CEP112: variants seen among roughly 807,000 people sequenced by gnomAD.
The protein encoded by CEP112 is centrosomal protein of 112 kDa.
CEP112 carries 127 observed loss-of-function variants against 153.0 expected under a neutral mutation model. That is an observed-to-expected ratio of 0.83 (90% confidence interval 0.72 to 0.96). The LOEUF (loss-of-function observed/expected upper bound fraction) is 0.96, where lower values mean the gene tolerates loss of function less well. Among genes scored for constraint, CEP112 ranks in the 40% least tolerant of loss-of-function variants. The pLI is 0.00. For missense variants in CEP112, 1,089 were observed against 1,101.2 expected, an observed-to-expected ratio of 0.99 and a Z score of 0.16; for synonymous variants, 358 against 374.4, an observed-to-expected ratio of 0.96 and a Z score of 0.51.
chr17:65,887,335 C>G (rs1349217910), intron 20 of CEP112, among the ~76,000 whole-genome samples: 2 of 152,178 alleles, frequency 1.3e-5, no homozygotes, highest in Admixed American at 6.6e-5. Flanking sequence ...TTGTTCCTTT[C>G]TCAAACTACA....
At chr17:66,179,004 A>G (rs1349887043) in intron 2 of CEP112, among the ~76,000 whole-genome samples, 1 of 152,106 alleles carries the variant, frequency 6.6e-6, no homozygotes, top group African/African-American at 2.4e-5. Context: ...ATTCCTGTAA[A>G]TGTACGGATT....
intron 4 of CEP112, among the ~76,000 whole-genome samples, chr17:66,172,466 T>A (rs1377423614): frequency 6.6e-6 from 1 of 152,304 alleles, no homozygotes; most frequent in East Asian, 1.9e-4. Context: ...TGACAACGAA[T>A]GCCTCATACT....
In CEP112 at chr17:65,648,497, C is replaced by T. The variant is rs532545012; in HGVS notation, c.2698-7432G>A. Among the ~76,000 whole-genome samples, 20 of 152,298 alleles carry T rather than the reference C, an allele frequency of 1.3e-4. No homozygotes were observed. The South Asian group carries it at 3.7e-3, about 28-fold the overall frequency. ...TGATTCCCTTAACTTTTAAAGTGAA[C>T]TGTGAAGACCAAGACCATCCCTAAC... On this transcript the variant is annotated intron_variant, in intron 24 of 26. Transcript: ENST00000535342.
chr17:66,001,634 AAAATAGAC>A (rs543797732), intron 17 of CEP112, among the ~76,000 whole-genome samples: 47 of 152,332 alleles, frequency 3.1e-4, no homozygotes, highest in African/African-American at 1.1e-3. Context: ...TGAATACTTT[AAAATAGAC>A]TATACACTGT....
intron 21 of CEP112, among the ~76,000 whole-genome samples, chr17:65,839,468 A>G (rs943123058): frequency 8.0e-6 from 1 of 124,726 alleles, no homozygotes; most frequent in African/African-American, 3.1e-5. Context: ...TCCCTTTATG[A>G]TTAAAAAAAA....
chr17:66,186,278 T>C (rs1485903560), intron 1 of CEP112, among the ~76,000 whole-genome samples: 1 of 152,080 alleles, frequency 6.6e-6, no homozygotes, highest in East Asian at 1.9e-4. Flanking sequence ...TAGCCTCTTG[T>C]CCTCTTTTTT....
intron 23 of CEP112, among the ~76,000 whole-genome samples, chr17:65,702,408 A>G (rs2048687604): frequency 6.6e-6 from 1 of 152,180 alleles, no homozygotes; most frequent in African/African-American, 2.4e-5. Context: ...TGCTCAATAT[A>G]CAGGAATCCC....
At chr17:65,642,399 G>C (rs916226717) in intron 24 of CEP112, among the ~76,000 whole-genome samples, 2 of 152,102 alleles carry the variant, frequency 1.3e-5, no homozygotes, top group African/African-American at 4.8e-5. Context: ...CTTTAAGACC[G>C]AACTTTTCTT....
At chr17:65,938,438 A>G (rs1406991150) in intron 18 of CEP112, among the ~76,000 whole-genome samples, 4 of 150,874 alleles carry the variant, frequency 2.7e-5, no homozygotes, top group Non-Finnish European at 3.0e-5. Flanking sequence ...AAAAAGAAAG[A>G]AAAAAAAATA....
At chr17:66,164,916 G>GTGTT (rs1431303928) in intron 4 of CEP112, among the ~76,000 whole-genome samples, 1 of 142,920 alleles carries the variant, frequency 7.0e-6, no homozygotes, top group Non-Finnish European at 1.5e-5. Context: ...GTGTGTGTGT[G>GTGTT]TGTGTATATT....
At chr17:66,003,262 T>A (rs2064136161) in intron 17 of CEP112, among the ~76,000 whole-genome samples, 2 of 152,292 alleles carry the variant, frequency 1.3e-5, no homozygotes, top group African/African-American at 4.8e-5. Context: ...AAATTCAGTA[T>A]TTTGGCAAAG....
At chr17:65,857,556 A>G (rs1307746532) in intron 20 of CEP112, among the ~76,000 whole-genome samples, 1 of 152,202 alleles carries the variant, frequency 6.6e-6, no homozygotes, top group Non-Finnish European at 1.5e-5. Context: ...TATTATTTCA[A>G]TGCATTAATG....
intron 19 of CEP112, among the ~76,000 whole-genome samples, chr17:65,916,483 T>C (rs925206624): frequency 6.6e-6 from 1 of 152,082 alleles, no homozygotes; most frequent in African/African-American, 2.4e-5. Flanking sequence ...ATATTTTTAA[T>C]GTACTTAAAG....
intron 19 of CEP112, among the ~76,000 whole-genome samples, chr17:65,909,400 C>A (rs1187795781): frequency 6.6e-6 from 1 of 152,130 alleles, no homozygotes; most frequent in Non-Finnish European, 1.5e-5. Context: ...TGTCCTACAA[C>A]TCAATGATAA....
At chr17:66,184,949 A>G (rs376930621) in intron 1 of CEP112, among the ~76,000 whole-genome samples, 2 of 152,056 alleles carry the variant, frequency 1.3e-5, no homozygotes, top group East Asian at 3.9e-4. Context: ...GAAACTTCAA[A>G]TCCTTATGCT....
intron 23 of CEP112, among the ~76,000 whole-genome samples, chr17:65,723,050 A>G (rs1335614424): frequency 1.3e-5 from 2 of 152,206 alleles, no homozygotes; most frequent in Non-Finnish European, 2.9e-5. Flanking sequence ...ATCTAACCAA[A>G]CACCATACAG....
chr17:65,666,997 T>A lies in CEP112; in HGVS notation c.2697+22132A>T, dbSNP rs191531816. The stretch of plus-strand genomic sequence containing the variant: ...GGTCTAAGGGAAACTTAATGCTAAG[T>A]CAGAGGAGTATTTGAAAAATAGTTT... On this transcript the variant is annotated intron_variant, in intron 24 of 26. Transcript: ENST00000535342. Among the ~76,000 whole-genome samples the A allele has an allele frequency of 2.2e-3, 331 of 152,298 alleles. 2 individuals carry two copies. The highest frequency in any genetic ancestry group is 3.1e-3 in the East Asian group (16 of 5,182).
chr17:65,650,568 T>C (rs970634395), intron 24 of CEP112, among the ~76,000 whole-genome samples: 2 of 151,890 alleles, frequency 1.3e-5, no homozygotes, highest in African/African-American at 4.8e-5. Flanking sequence ...TTCTGCTCTG[T>C]TTCTACATCA....
chr17:66,136,257 C>T (rs1375919479), intron 4 of CEP112, among the ~76,000 whole-genome samples: 1 of 152,156 alleles, frequency 6.6e-6, no homozygotes, highest in Admixed American at 6.5e-5. Flanking sequence ...CCCCTCCCAC[C>T]AGCTCAGAAC....
Sources: gnomAD v4.1 joint callset for allele counts (sites outside exome capture counted in the v4.1 genomes callset) on GRCh38, gnomAD v4.1.1 for gene constraint, MANE v1.5 for transcripts, NCBI Gene and HGNC (gene_info 2026-07-23, HGNC 2026-07-21) for gene names.